The following EXOC4 variants were observed in gnomAD, a reference collection of about 807,000 sequenced individuals.
EXOC4 encodes SEC8-like 1.
A neutral mutation model predicts 107.2 loss-of-function variants in EXOC4; 71 were observed. The ratio of observed to expected loss-of-function variants is 0.66; its 90% CI spans 0.55 to 0.81. EXOC4 has a LOEUF of 0.81. EXOC4 is among the 30% of genes least tolerant of loss of function. The pLI, the probability that EXOC4 is intolerant of heterozygous loss-of-function variation, is 0.00. For missense variants in EXOC4, 1,108 were observed against 1,189.6 expected, an observed-to-expected ratio of 0.93 and a Z score of 1.01; for synonymous variants, 456 against 441.2, an observed-to-expected ratio of 1.03 and a Z score of -0.42.
At chr7:133,318,451 CTT>C (rs1795040689) in intron 5 of EXOC4, among the ~76,000 whole-genome samples, 1 of 152,174 alleles carries the variant, frequency 6.6e-6, no homozygotes, top group Admixed American at 6.5e-5. Context: ...GACTCGATGT[CTT>C]TTGTGGGATG....
chr7:133,494,525 T>A (rs1182289061), intron 9 of EXOC4, among the ~76,000 whole-genome samples: 2 of 152,258 alleles, frequency 1.3e-5, no homozygotes, highest in Non-Finnish European at 2.9e-5. Flanking sequence ...ATTATAGGAA[T>A]GTTATTGAGG....
intron 7 of EXOC4, among the ~76,000 whole-genome samples, chr7:133,428,233 C>T (rs1797772275): frequency 6.6e-6 from 1 of 152,194 alleles, no homozygotes; most frequent in African/African-American, 2.4e-5. Context: ...GCCATCCTTC[C>T]TGTTGTCTTG....
chr7:133,332,739 A>G (rs1020500305), intron 5 of EXOC4, among the ~76,000 whole-genome samples: 1 of 151,944 alleles, frequency 6.6e-6, no homozygotes, highest in Non-Finnish European at 1.5e-5. Flanking sequence ...CTTTTTGTTT[A>G]TTTGTTTTTA....
chr7:133,996,112 C>A (rs1794386576), intron 14 of EXOC4, among the ~76,000 whole-genome samples: 1 of 152,156 alleles, frequency 6.6e-6, no homozygotes, highest in South Asian at 2.1e-4. Context: ...AGCTTAAGAC[C>A]TAACCTGGAC....
At chr7:134,093,913 A>G in the EXOC4 span, among the ~76,000 whole-genome samples, 1 of 152,236 alleles carries the variant, frequency 6.6e-6, no homozygotes, top group African/African-American at 2.4e-5. Context: ...TCTGGCATGC[A>G]GCAAAAGCAG....
chr7:133,306,112 G>T, intron 4 of EXOC4, 51 bp downstream of exon 4: 2 of 1,423,262 alleles, frequency 1.4e-6, no homozygotes, highest in Non-Finnish European at 9.4e-7. Flanking sequence ...AGGATTGGAA[G>T]GAATATTTTT....
chr7:133,545,359 TG>T (rs1800460400), intron 9 of EXOC4, among the ~76,000 whole-genome samples: 1 of 152,190 alleles, frequency 6.6e-6, no homozygotes, highest in Non-Finnish European at 1.5e-5. Context: ...CCTATTTTAA[TG>T]ATTTGTTCAG....
chr7:134,070,374 G>T (rs1190206657), downstream of EXOC4, among the ~76,000 whole-genome samples: 1 of 152,184 alleles, frequency 6.6e-6, no homozygotes, highest in Non-Finnish European at 1.5e-5. Flanking sequence ...CTGGAATTTT[G>T]AAGAGGTGTA....
At chr7:133,413,938 G>A (rs1797417424) in intron 7 of EXOC4, among the ~76,000 whole-genome samples, 1 of 152,042 alleles carries the variant, frequency 6.6e-6, no homozygotes, top group Non-Finnish European at 1.5e-5. Context: ...GAAGACACTT[G>A]AAGCAGATAT....
chr7:133,632,499 A>G (rs554554175), intron 10 of EXOC4, among the ~76,000 whole-genome samples: 113 of 152,316 alleles, frequency 7.4e-4, no homozygotes, highest in African/African-American at 2.7e-3. Context: ...GGCTTGTGGA[A>G]CTTGAAATGA....
the EXOC4 span, among the ~76,000 whole-genome samples, chr7:134,073,434 A>C: frequency 6.6e-6 from 1 of 151,370 alleles, no homozygotes; most frequent in Non-Finnish European, 1.5e-5. Context: ...CATTTTAGCT[A>C]TTAGCGAGGG....
intron 9 of EXOC4, among the ~76,000 whole-genome samples, chr7:133,581,568 C>T (rs1258642160): frequency 6.6e-6 from 1 of 151,444 alleles, no homozygotes; most frequent in Non-Finnish European, 1.5e-5. Context: ...ACCATCCTGG[C>T]TAACACGGTG....
intron 15 of EXOC4, among the ~76,000 whole-genome samples, chr7:134,000,646 G>A (rs1238007319): frequency 6.6e-6 from 1 of 152,156 alleles, no homozygotes; most frequent in Non-Finnish European, 1.5e-5. Flanking sequence ...GAGGTACAGA[G>A]GCTGTGTGGC....
At chr7:133,676,959 G>GTGTA (rs1554382528) in intron 10 of EXOC4, among the ~76,000 whole-genome samples, 1,720 of 138,704 alleles carry the variant, frequency 0.012, 22 homozygotes, top group African/African-American at 0.031. Flanking sequence ...GTGTGTGTAT[G>GTGTA]TGTGTGTGTG....
At chr7:133,976,597 G>A (rs1220768797) in intron 14 of EXOC4, among the ~76,000 whole-genome samples, 1 of 152,136 alleles carries the variant, frequency 6.6e-6, no homozygotes, top group African/African-American at 2.4e-5. Flanking sequence ...AGTGCCAGGA[G>A]CCAACATGGT....
At chr7:133,669,030 ACTTCATACTCTATT>A (rs1458766294) in intron 10 of EXOC4, among the ~76,000 whole-genome samples, 2 of 100,568 alleles carry the variant, frequency 2.0e-5, no homozygotes, top group Non-Finnish European at 4.0e-5. Context: ...TTTGCCTGTC[ACTTCATACTCTATT>A]CTATTTACTT....
intron 11 of EXOC4, among the ~76,000 whole-genome samples, chr7:133,878,503 G>A (rs1798896849): frequency 6.6e-6 from 1 of 152,172 alleles, no homozygotes; most frequent in Non-Finnish European, 1.5e-5. Flanking sequence ...CATAGATGGT[G>A]TTATATTCAT....
At chr7:133,438,365 G>T (rs1181027225) in intron 7 of EXOC4, among the ~76,000 whole-genome samples, 1 of 152,048 alleles carries the variant, frequency 6.6e-6, no homozygotes, top group Non-Finnish European at 1.5e-5. Context: ...TAGTTTTTAA[G>T]TAACTTTCCC....
chr7:133,664,555 G>T (rs1793769962), intron 10 of EXOC4, among the ~76,000 whole-genome samples: 1 of 152,090 alleles, frequency 6.6e-6, no homozygotes, highest in Admixed American at 6.6e-5. Flanking sequence ...CTGCCTATTA[G>T]AGCCAAACAA....
Sources: gnomAD v4.1 joint callset for allele counts (sites outside exome capture counted in the v4.1 genomes callset) on GRCh38, gnomAD v4.1.1 for gene constraint, MANE v1.5 for transcripts, NCBI Gene and HGNC (gene_info 2026-07-23, HGNC 2026-07-21) for gene names.